The following PSEN1 variants were observed in gnomAD, a reference collection of about 807,000 sequenced individuals.
The protein encoded by PSEN1 is presenilin-1.
A neutral mutation model predicts 53.5 loss-of-function variants in PSEN1; 15 were observed. That is an observed-to-expected ratio of 0.28 (90% CI 0.19 to 0.43). The LOEUF is 0.43. PSEN1 is among the 20% of genes least tolerant of loss of function. PSEN1 has a pLI of 1.00. For synonymous variants in PSEN1, 208 were observed against 209.8 expected, an observed-to-expected ratio of 0.99 and a Z score of 0.08; for missense variants, 387 against 571.2, an observed-to-expected ratio of 0.68 and a Z score of 3.29.
intron 1 of PSEN1, among the ~76,000 whole-genome samples, chr14:73,139,080 G>C (rs61986861): frequency 0.056 from 8,497 of 150,522 alleles, 319 homozygotes; most frequent in Non-Finnish European, 0.089. Flanking sequence ...TCAGGAGATG[G>C]AGACCATCCT....
At chr14:73,149,187 AAAG>A (rs1211153956) in intron 3 of PSEN1, among the ~76,000 whole-genome samples, 2 of 152,130 alleles carry the variant, frequency 1.3e-5, no homozygotes, top group Non-Finnish European at 2.9e-5. Context: ...GGATCAATAA[AAAG>A]AACTTTCTCA....
At chr14:73,211,411 C>T (rs1236192674) in intron 9 of PSEN1, among the ~76,000 whole-genome samples, 2 of 152,106 alleles carry the variant, frequency 1.3e-5, no homozygotes, top group African/African-American at 4.8e-5. Flanking sequence ...CCCAGGAATC[C>T]CGGTGGACTT....
intron 3 of PSEN1, among the ~76,000 whole-genome samples, chr14:73,157,016 C>G (rs191464024): frequency 6.6e-6 from 1 of 151,904 alleles, no homozygotes; most frequent in Non-Finnish European, 1.5e-5. Flanking sequence ...TCATCATTCT[C>G]ATATTTAGCT....
At chr14:73,189,061 G>A (rs536085327) in intron 6 of PSEN1, among the ~76,000 whole-genome samples, 23 of 152,138 alleles carry the variant, frequency 1.5e-4, no homozygotes, top group Non-Finnish European at 2.6e-4. Context: ...AAAATGCTGG[G>A]ATTACAGGCG....
intron 8 of PSEN1, among the ~76,000 whole-genome samples, chr14:73,204,851 A>G (rs1366504138): frequency 2.6e-5 from 4 of 152,066 alleles, no homozygotes; most frequent in African/African-American, 9.7e-5. Flanking sequence ...GGCCTGGGCA[A>G]CGTAGTGAGA....
intron 5 of PSEN1, among the ~76,000 whole-genome samples, chr14:73,186,250 A>G (rs1379288846): frequency 1.3e-5 from 2 of 152,078 alleles, no homozygotes; most frequent in Non-Finnish European, 2.9e-5. Flanking sequence ...GTGGTGGCAC[A>G]TGTCTGTAAT....
At chr14:73,160,042 T>C in intron 3 of PSEN1, 1 of 263,690 alleles carries the variant, frequency 3.8e-6, no homozygotes, top group Non-Finnish European at 8.4e-6. Context: ...CAGGCTGATC[T>C]CAAACTCCTG....
At chr14:73,151,878 T>TATA in intron 3 of PSEN1, among the ~76,000 whole-genome samples, 1 of 56,930 alleles carries the variant, frequency 1.8e-5, no homozygotes, top group African/African-American at 9.1e-5. Flanking sequence ...CTAAAATATT[T>TATA]TATATATATA....
chr14:73,201,338 G>A (rs1366163415), intron 8 of PSEN1, among the ~76,000 whole-genome samples: 1 of 152,038 alleles, frequency 6.6e-6, no homozygotes, highest in East Asian at 1.9e-4. Flanking sequence ...CGCCCGCCTC[G>A]GCCTCCCAAA....
intron 3 of PSEN1, chr14:73,168,697 C>G (rs75563122): frequency 6.6e-6 from 1 of 152,282 alleles, no homozygotes; most frequent in East Asian, 1.9e-4. Flanking sequence ...GCAATACAAT[C>G]TTCTGCATAT....
At chr14:73,188,867 G>T (rs1227540960) in intron 6 of PSEN1, among the ~76,000 whole-genome samples, 1 of 150,938 alleles carries the variant, frequency 6.6e-6, no homozygotes, top group Non-Finnish European at 1.5e-5. Flanking sequence ...CGGCTCACAG[G>T]AACTTCTGCC....
intron 3 of PSEN1, chr14:73,168,402 A>G (rs1285973643): frequency 6.6e-6 from 1 of 152,008 alleles, no homozygotes; most frequent in African/African-American, 2.4e-5. Flanking sequence ...CTGGGAGAAC[A>G]ATATAAGCAG....
At chr14:73,199,320 A>G (rs1481182636) in intron 8 of PSEN1, among the ~76,000 whole-genome samples, 3 of 152,204 alleles carry the variant, frequency 2.0e-5, no homozygotes, top group South Asian at 4.1e-4. Flanking sequence ...GAGGAAGACA[A>G]GGGTCAAACT....
chr14:73,182,689 T>C (rs953951436), intron 5 of PSEN1, among the ~76,000 whole-genome samples: 1 of 151,752 alleles, frequency 6.6e-6, no homozygotes, highest in Non-Finnish European at 1.5e-5. Context: ...AATACAAAAA[T>C]CACCTGGGCG....
chr14:73,215,015 G>A (rs956445716), intron 10 of PSEN1, among the ~76,000 whole-genome samples: 1 of 152,014 alleles, frequency 6.6e-6, no homozygotes, highest in Admixed American at 6.6e-5. Context: ...AGGGTGGAGT[G>A]CAGTGCTGGG....
At chr14:73,165,211 C>T (rs1003168952) in intron 3 of PSEN1, among the ~76,000 whole-genome samples, 6 of 152,204 alleles carry the variant, frequency 3.9e-5, no homozygotes, top group Non-Finnish European at 8.8e-5. Context: ...CCGCCTCAGC[C>T]TCCCAGAGTG....
chr14:73,150,445 G>A (rs114776088), intron 3 of PSEN1, among the ~76,000 whole-genome samples: 3,472 of 152,092 alleles, frequency 0.023, 136 homozygotes, highest in African/African-American at 0.076. Context: ...AAATCGTATC[G>A]CATTATGTAA....
chr14:73,171,148 T>C (rs2140037655), intron 4 of PSEN1, 101 bp downstream of exon 4: 1 of 1,412,946 alleles, frequency 7.1e-7, no homozygotes, highest in Middle Eastern at 2.4e-4. Flanking sequence ...GGGGCATGAC[T>C]TAGCTGGAGA....
intron 8 of PSEN1, 52 bp from the exon 9 acceptor site, chr14:73,206,334 A>C: frequency 7.9e-7 from 1 of 1,264,784 alleles, no homozygotes; most frequent in Non-Finnish European, 1.2e-6. Flanking sequence ...GTTGTTGTCT[A>C]TGCATACTTT....
Sources: allele counts gnomAD v4.1 joint callset (sites outside exome capture counted in the v4.1 genomes callset), GRCh38; gene constraint gnomAD v4.1.1; transcripts MANE v1.5; gene names NCBI Gene and HGNC (gene_info 2026-07-23, HGNC 2026-07-21).